Variants in DCDC2C observed in about 807,000 individuals in gnomAD.
The protein encoded by DCDC2C is doublecortin domain containing 2C, also known as doublecortin domain-containing protein 2C.
Under a neutral mutation model 45.0 loss-of-function variants are expected in DCDC2C, and 44 were observed. The ratio of observed to expected loss-of-function variants is 0.98; its 90% CI spans 0.77 to 1.26. The LOEUF (loss-of-function observed/expected upper bound fraction) is 1.26, where lower values mean the gene tolerates loss of function less well. Ranked by LOEUF, DCDC2C falls within the 50% of genes most tolerant of loss-of-function variation. The probability of loss-of-function intolerance (pLI) is 0.00; values close to 1 mark genes in which losing one functional copy is unlikely to be tolerated. For missense variants in DCDC2C, 447 were observed against 468.9 expected (o/e 0.95, Z 0.43); for synonymous variants, 187 against 178.8 (o/e 1.05, Z -0.37).
chr2:3,737,622 A>C (rs1440091086), intron 3 of DCDC2C, among the ~76,000 whole-genome samples: 1 of 152,084 alleles, frequency 6.6e-6, no homozygotes, highest in East Asian at 1.9e-4. Context: ...TGTGGCCTCC[A>C]TGTGGCCTGG....
intron 4 of DCDC2C, among the ~76,000 whole-genome samples, chr2:3,747,860 C>T (rs1484570967): frequency 1.3e-5 from 2 of 152,154 alleles, no homozygotes; most frequent in Admixed American, 6.5e-5. Context: ...AAATGCCATG[C>T]CAGGGGTGGC....
chr2:3,791,934 G>A (rs1490873879), intron 10 of DCDC2C, among the ~76,000 whole-genome samples: 4 of 152,160 alleles, frequency 2.6e-5, no homozygotes, highest in South Asian at 2.1e-4. Context: ...GATGAAGCTC[G>A]GTGTTCAGGG....
chr2:3,803,954 GT>G (rs1237050030), intron 10 of DCDC2C, among the ~76,000 whole-genome samples: 1 of 152,096 alleles, frequency 6.6e-6, no homozygotes, highest in African/African-American at 2.4e-5. Flanking sequence ...AACCTGTATT[GT>G]CCCCACCTAA....
At chr2:3,718,453 A>G (rs1056584363) in intron 2 of DCDC2C, among the ~76,000 whole-genome samples, 10 of 152,160 alleles carry the variant, frequency 6.6e-5, no homozygotes, top group African/African-American at 2.4e-4. Flanking sequence ...CTGTGGGTGC[A>G]TGATACATAA....
intron 9 of DCDC2C, among the ~76,000 whole-genome samples, chr2:3,784,424 TATTA>T (rs1670595384): frequency 6.6e-6 from 1 of 152,138 alleles, no homozygotes; most frequent in African/African-American, 2.4e-5. Flanking sequence ...TTTACAAATA[TATTA>T]ATTAACAACT....
chr2:3,813,814 C>A (rs909988494), intron 10 of DCDC2C, among the ~76,000 whole-genome samples: 4 of 147,048 alleles, frequency 2.7e-5, no homozygotes, highest in African/African-American at 1.0e-4. Flanking sequence ...TGTCTTTGCA[C>A]ATGAGATAGG....
At chr2:3,807,105 G>A (rs1348334181) in intron 10 of DCDC2C, among the ~76,000 whole-genome samples, 8 of 151,602 alleles carry the variant, frequency 5.3e-5, no homozygotes, top group Admixed American at 2.6e-4. Context: ...AACAGCATGA[G>A]GATATAATTT....
intron 10 of DCDC2C, among the ~76,000 whole-genome samples, chr2:3,841,226 C>T (rs1204233804): frequency 6.6e-6 from 1 of 152,100 alleles, no homozygotes; most frequent in East Asian, 1.9e-4. Context: ...CATTTTCAGC[C>T]ACACTCAGGT....
intron 5 of DCDC2C, among the ~76,000 whole-genome samples, chr2:3,754,375 G>A (rs1189743485): frequency 4.6e-5 from 7 of 152,206 alleles, no homozygotes; most frequent in Admixed American, 4.6e-4. Flanking sequence ...AGGAGGATGG[G>A]CTATCTGATC....
chr2:3,754,624 GAA>G lies in DCDC2C; in HGVS notation c.718_719del (p.Lys240GlufsTer12), dbSNP rs1231303357. The G allele has an allele frequency of 6.5e-7, 1 of 1,548,752 alleles. No homozygotes were observed. Among genetic ancestry groups the G allele is most frequent in the Non-Finnish European group, 8.7e-7 (1 of 1,146,446 alleles). On this transcript the variant is annotated frameshift_variant, in exon 6 of 11. Coordinates refer to ENST00000399143, the MANE Select transcript of DCDC2C (RefSeq NM_001287444.2). LOFTEE classifies it high-confidence loss of function. Reference sequence around the variant, plus strand: ...GCGAATGTTGAAAAAAACTCACAGAGAAAGAAAAAAGTAAGTAACTTTTTAAA... The same window carrying G: ...GCGAATGTTGAAAAAAACTCACAGAGAGAAAAAAGTAAGTAACTTTTTAAA...
At chr2:3,725,007 G>A (rs1355901979) in intron 2 of DCDC2C, among the ~76,000 whole-genome samples, 1 of 152,158 alleles carries the variant, frequency 6.6e-6, no homozygotes, top group Non-Finnish European at 1.5e-5. Flanking sequence ...GGGGGCTGCA[G>A]CTTGGAGGGG....
chr2:3,711,671 T>G (rs960766831), intron 2 of DCDC2C, among the ~76,000 whole-genome samples: 1 of 152,302 alleles, frequency 6.6e-6, no homozygotes, highest in Admixed American at 6.5e-5. Flanking sequence ...ATTATGTAGC[T>G]CATCCTCTTT....
intron 10 of DCDC2C, among the ~76,000 whole-genome samples, chr2:3,844,804 A>ATCAT (rs1252863664): frequency 2.0e-5 from 3 of 152,178 alleles, no homozygotes. Flanking sequence ...GACTGGGTGA[A>ATCAT]TCATTGCCCG....
chr2:3,704,098 C>CGTG, intron 1 of DCDC2C, 60 bp downstream of exon 1: 1 of 1,219,230 alleles, frequency 8.2e-7, no homozygotes. Context: ...TGGGTCTGAG[C>CGTG]GTGGTCAGGG....
At chr2:3,814,208 C>CT (rs1671496147) in intron 10 of DCDC2C, among the ~76,000 whole-genome samples, 3 of 152,110 alleles carry the variant, frequency 2.0e-5, no homozygotes, top group African/African-American at 7.2e-5. Context: ...TTCTTGGAGG[C>CT]TTTGTTCATC....
rs1558564408 is a variant in DCDC2C at position 3,725,435 on chromosome 2, GAGGAAGACGAGCAGA to G, written c.340-1567_340-1553del. On this transcript the variant is annotated intron_variant, in intron 2 of 10. Transcript: ENST00000399143. ...TGAGGAGGCTGCCAGGTGGATCCCA[GAGGAAGACGAGCAGA>G]GAGGGAGGAGGCTGCCCGGTGGATC... Among the ~76,000 whole-genome samples the G allele has an allele frequency of 6.5e-4, 68 of 104,214 alleles. 1 individual carries two copies. The highest frequency in any genetic ancestry group is 4.4e-3 in the East Asian group (15 of 3,416). The allele number at this position is 104,214 out of a possible 152,430, so 68.4% of individuals were successfully genotyped here.
chr2:3,748,030 G>T (rs1441244395), intron 4 of DCDC2C, among the ~76,000 whole-genome samples: 1 of 152,104 alleles, frequency 6.6e-6, no homozygotes, highest in Non-Finnish European at 1.5e-5. Flanking sequence ...GGACCCTCAG[G>T]CACACAGCCT....
intron 3 of DCDC2C, among the ~76,000 whole-genome samples, chr2:3,740,120 T>C (rs1370435945): frequency 1.3e-5 from 2 of 152,250 alleles, no homozygotes; most frequent in Non-Finnish European, 2.9e-5. Context: ...ACAACATTAA[T>C]TATATCTGAC....
chr2:3,754,162 G>T (rs1669618608), intron 5 of DCDC2C, among the ~76,000 whole-genome samples: 1 of 152,222 alleles, frequency 6.6e-6, no homozygotes, highest in African/African-American at 2.4e-5. Context: ...GAGGCCACAT[G>T]CAATCACTCA....
Sources: gnomAD v4.1 joint callset for allele counts (sites outside exome capture counted in the v4.1 genomes callset) on GRCh38, gnomAD v4.1.1 for gene constraint, MANE v1.5 for transcripts, NCBI Gene and HGNC (gene_info 2026-07-23, HGNC 2026-07-21) for gene names.